ATM: variants seen among roughly 807,000 people sequenced by gnomAD.
The protein encoded by ATM is serine-protein kinase ATM.
In ATM, 308 loss-of-function variants were observed where a neutral mutation model predicts 387.0. The ratio of observed to expected loss-of-function variants is 0.80; its 90% CI spans 0.73 to 0.87. ATM has a LOEUF of 0.87. Among genes scored for constraint, ATM ranks in the 40% least tolerant of loss-of-function variants. The probability of loss-of-function intolerance (pLI) is 0.00; values close to 1 mark genes in which losing one functional copy is unlikely to be tolerated. For synonymous variants in ATM, 1,156 were observed against 1,187.3 expected (o/e 0.97, Z 0.54); for missense variants, 3,312 against 3,560.9 (o/e 0.93, Z 1.78).
intron 1 of ATM, chr11:108,225,558 C>A (rs4987889): frequency 6.6e-6 from 1 of 152,228 alleles, no homozygotes; most frequent in African/African-American, 2.4e-5. Flanking sequence ...ACTGCACTTT[C>A]CGCCTCCTGG....
chr11:108,307,814 G>T, intron 37 of ATM, 83 bp from the exon 38 acceptor site: 1 of 1,257,988 alleles, frequency 7.9e-7, no homozygotes, highest in East Asian at 2.4e-5. Flanking sequence ...ATAGCATAGT[G>T]GGAGACAGAC....
intron 56 of ATM, among the ~76,000 whole-genome samples, chr11:108,339,675 T>G (rs889026749): frequency 6.6e-6 from 1 of 152,060 alleles, no homozygotes; most frequent in Non-Finnish European, 1.5e-5. Flanking sequence ...TAAGCTGAGG[T>G]AGAAAAAAGC....
intron 1 of ATM, chr11:108,226,011 T>G (rs2078719265): frequency 6.6e-6 from 1 of 152,166 alleles, no homozygotes; most frequent in Non-Finnish European, 1.5e-5. Context: ...TATAGTTATT[T>G]GTAGGTATAA....
chr11:108,257,255 T>C (rs2080553655), intron 14 of ATM, among the ~76,000 whole-genome samples: 1 of 152,368 alleles, frequency 6.6e-6, no homozygotes, highest in African/African-American at 2.4e-5. Context: ...CTGTCACTGG[T>C]ATGATTTGCA....
At chr11:108,295,786 T>C (rs976848783) in intron 32 of ATM, 2 of 152,202 alleles carry the variant, frequency 1.3e-5, no homozygotes, top group Non-Finnish European at 2.9e-5. Context: ...TCCTAGTAGC[T>C]AGGATTACAG....
intron 22 of ATM, among the ~76,000 whole-genome samples, chr11:108,274,490 T>G (rs1193254532): frequency 1.3e-5 from 2 of 152,242 alleles, no homozygotes; most frequent in Non-Finnish European, 2.9e-5. Flanking sequence ...TTTCCCACTT[T>G]GTCCTGTGGG....
At chr11:108,289,985 G>C (rs754875766) in intron 29 of ATM, 184 bp downstream of exon 29, 1 of 563,820 alleles carries the variant, frequency 1.8e-6, no homozygotes. Flanking sequence ...ACCCTGCCGG[G>C]TAGCTGGGGC....
intron 16 of ATM, among the ~76,000 whole-genome samples, chr11:108,262,665 T>C (rs1473117959): frequency 2.6e-5 from 4 of 151,506 alleles, no homozygotes; most frequent in Non-Finnish European, 5.9e-5. Context: ...GACTAAATGC[T>C]CCAATTAAAA....
chr11:108,248,020 G>C (rs572603091), intron 8 of ATM, among the ~76,000 whole-genome samples: 23 of 152,204 alleles, frequency 1.5e-4, no homozygotes, highest in Non-Finnish European at 2.9e-4. Flanking sequence ...TTTCCTGTTT[G>C]GGACAGTTCG....
chr11:108,247,288 C>T (rs1018364261), intron 8 of ATM, among the ~76,000 whole-genome samples, 161 bp downstream of exon 8: 6 of 152,104 alleles, frequency 3.9e-5, no homozygotes, highest in African/African-American at 1.4e-4. Context: ...TTTGGAATTA[C>T]CCTTTTAACT....
intron 41 of ATM, 25 bp from the exon 42 acceptor site, chr11:108,315,986 C>A (rs2084605279): frequency 6.2e-7 from 1 of 1,611,660 alleles, no homozygotes; most frequent in African/African-American, 1.3e-5. Context: ...AAACCCAAAG[C>A]TATTTTCACA....
chr11:108,343,980 A>G (rs2087947714), intron 57 of ATM, among the ~76,000 whole-genome samples: 1 of 152,176 alleles, frequency 6.6e-6, no homozygotes, highest in Non-Finnish European at 1.5e-5. Flanking sequence ...ACAAATATCA[A>G]ATATTACGAC....
chr11:108,347,265 T>A lies in ATM; in HGVS notation c.8585-14T>A. On this transcript the variant is annotated splice_polypyrimidine_tract_variant and intron_variant, in intron 58 of 62. Coordinates refer to ENST00000675843, the MANE Select transcript of ATM (RefSeq NM_000051.4). ...AATCAGTGATTTCAGATTGTTTGTT[T>A]CTTTTTTCTCCAGTTGGTTACATAC... 1 of 1,572,292 alleles carries A rather than the reference T, an allele frequency of 6.4e-7. No individual in the cohort carries two copies. The highest frequency in any genetic ancestry group is 8.8e-7 in the Non-Finnish European group (1 of 1,142,188).
chr11:108,346,569 T>C (rs538945854), intron 58 of ATM: 2 of 152,488 alleles, frequency 1.3e-5, no homozygotes, highest in South Asian at 4.1e-4. Context: ...AGGCAGGGCA[T>C]GTATGTTTTG....
chr11:108,305,903 T>C (rs1463555634), intron 37 of ATM, among the ~76,000 whole-genome samples: 2 of 152,176 alleles, frequency 1.3e-5, no homozygotes, highest in East Asian at 3.8e-4. Flanking sequence ...ATGTGTTTTA[T>C]ATGCAAACAT....
At chr11:108,286,897 T>G (rs973137681) in intron 26 of ATM, among the ~76,000 whole-genome samples, 23 of 152,240 alleles carry the variant, frequency 1.5e-4, no homozygotes, top group African/African-American at 4.3e-4. Context: ...AAAGTTGTTA[T>G]ATTCACCCTT....
rs567045160 is a variant in ATM at position 108,267,242 on chromosome 11, A to G, written c.2538A>G (p.Leu846=). The G allele has an allele frequency of 1.2e-6, 2 of 1,614,088 alleles. No homozygotes were observed. Among genetic ancestry groups the G allele is most frequent in the South Asian group, 1.1e-5 (1 of 91,082 alleles). Reference sequence around the variant, plus strand: ...TGGAAGATGATACTAATGGAAATCTAATGGAGGTGGAGGATCAGTCATCCA... The same window carrying G: ...TGGAAGATGATACTAATGGAAATCTGATGGAGGTGGAGGATCAGTCATCCA... ...ESMEDDTNGN[L]MEVEDQSSMN... is the part of the protein sequence containing the mutation. Residue 846 remains leucine (L), a synonymous_variant, in exon 17 of 63, where the codon CTA becomes CTG. Transcript: ENST00000675843.
At chr11:108,341,939 A>G (rs936387432) in intron 56 of ATM, among the ~76,000 whole-genome samples, 4 of 152,232 alleles carry the variant, frequency 2.6e-5, no homozygotes, top group African/African-American at 9.6e-5. Flanking sequence ...GTGAAGATGT[A>G]TCTCTGGCTC....
intron 48 of ATM, 136 bp from the exon 49 acceptor site, chr11:108,328,885 T>G: frequency 1.0e-6 from 1 of 992,268 alleles, no homozygotes; most frequent in South Asian, 1.6e-5. Context: ...TGGACAAGTT[T>G]GCAATAGTTC....
Sources: gnomAD v4.1 joint callset for allele counts (sites outside exome capture counted in the v4.1 genomes callset) on GRCh38, gnomAD v4.1.1 for gene constraint, MANE v1.5 for transcripts, NCBI Gene and HGNC (gene_info 2026-07-23, HGNC 2026-07-21) for gene names.